ADAMTSL1: variants seen among roughly 807,000 people sequenced by gnomAD.
ADAMTSL1 encodes the protein ADAMTS-like protein 1.
ADAMTSL1 carries 126 observed loss-of-function variants against 201.8 expected under a neutral mutation model. The ratio of observed to expected loss-of-function variants is 0.62; its 90% CI spans 0.54 to 0.72. The LOEUF (loss-of-function observed/expected upper bound fraction) is 0.72, where lower values mean the gene tolerates loss of function less well. Among genes scored for constraint, ADAMTSL1 ranks in the 30% least tolerant of loss-of-function variants. The probability of loss-of-function intolerance (pLI) is 0.00; values close to 1 mark genes in which losing one functional copy is unlikely to be tolerated. For synonymous variants in ADAMTSL1, 1,121 were observed against 903.4 expected (o/e 1.24, Z -4.32); for missense variants, 2,679 against 2,277.8 (o/e 1.18, Z -3.59).
chr9:18,709,258 C>T (rs1420580057), intron 14 of ADAMTSL1, among the ~76,000 whole-genome samples: 3 of 151,996 alleles, frequency 2.0e-5, no homozygotes, highest in Non-Finnish European at 2.9e-5. Flanking sequence ...GTATATAGGA[C>T]GTGTATATTT....
Position 18,524,315 on chromosome 9 carries a change from G to T in ADAMTSL1, c.192-8932G>T, listed in dbSNP as rs1338688604. On this transcript the variant is annotated intron_variant, in intron 2 of 28. Coordinates refer to ENST00000380548, the MANE Select transcript of ADAMTSL1 (RefSeq NM_001040272.6). The stretch of plus-strand genomic sequence containing the variant: ...TGTATCCTGAGACTTTGCTGAAGTT[G>T]CTTAGCAGCTTAAGGAGATTTTGGG... 2.0e-5 allele frequency among the ~76,000 whole-genome samples: 3 copies of T among 152,200 alleles called. No individual in the cohort carries two copies. In the East Asian group the frequency reaches 5.8e-4, roughly 29 times the overall value.
chr9:18,656,953 A>C (rs1828724164), intron 7 of ADAMTSL1, among the ~76,000 whole-genome samples: 1 of 152,198 alleles, frequency 6.6e-6, no homozygotes, highest in Non-Finnish European at 1.5e-5. Context: ...AAGAAATTGC[A>C]ATTTCCATTA....
intron 2 of ADAMTSL1, among the ~76,000 whole-genome samples, chr9:18,256,986 A>T (rs376382431): frequency 3.9e-5 from 6 of 152,342 alleles, no homozygotes; most frequent in African/African-American, 1.4e-4. Context: ...AAGCTTACAC[A>T]TTCCATGAGA....
At chr9:18,807,720 C>T (rs1284605786) in intron 20 of ADAMTSL1, among the ~76,000 whole-genome samples, 6 of 151,610 alleles carry the variant, frequency 4.0e-5, no homozygotes, top group African/African-American at 1.5e-4. Flanking sequence ...CAGTGGAGGG[C>T]TCAGTAATGC....
intron 1 of ADAMTSL1, among the ~76,000 whole-genome samples, chr9:18,047,033 C>T (rs1199798353): frequency 6.6e-6 from 1 of 151,892 alleles, no homozygotes; most frequent in Non-Finnish European, 1.5e-5. Flanking sequence ...AGAAAAATGG[C>T]TTAGAAGATG....
chr9:18,365,078 C>T (rs1212634234), intron 2 of ADAMTSL1, among the ~76,000 whole-genome samples: 1 of 152,132 alleles, frequency 6.6e-6, no homozygotes. Context: ...TATATAGGGT[C>T]TGGCATATGC....
intron 2 of ADAMTSL1, among the ~76,000 whole-genome samples, chr9:18,289,170 T>TATCTATCTATCTATC (rs763390848): frequency 0.017 from 2,117 of 122,082 alleles, 48 homozygotes; most frequent in African/African-American, 0.055. Context: ...TCTATCTATC[T>TATCTATCTATCTATC]ATCTACCTAC....
intron 2 of ADAMTSL1, among the ~76,000 whole-genome samples, chr9:18,340,143 T>C (rs1835411530): frequency 6.6e-6 from 1 of 152,192 alleles, no homozygotes; most frequent in South Asian, 2.1e-4. Context: ...AATCTGGGGC[T>C]TCCCCAACAC....
intron 1 of ADAMTSL1, among the ~76,000 whole-genome samples, chr9:18,151,154 C>T (rs945644685): frequency 6.6e-6 from 1 of 152,046 alleles, no homozygotes; most frequent in Non-Finnish European, 1.5e-5. Flanking sequence ...TATCCATCAT[C>T]TGTGACCTTA....
chr9:18,592,167 C>A (rs1046531106), intron 4 of ADAMTSL1, among the ~76,000 whole-genome samples: 1 of 152,092 alleles, frequency 6.6e-6, no homozygotes, highest in Non-Finnish European at 1.5e-5. Context: ...AAACACCAGA[C>A]AGTGAGCATG....
intron 2 of ADAMTSL1, among the ~76,000 whole-genome samples, chr9:18,530,790 T>C (rs1587475593): frequency 6.6e-6 from 1 of 152,196 alleles, no homozygotes; most frequent in East Asian, 1.9e-4. Context: ...ATAAGTAATA[T>C]CATCCCATTT....
At chr9:18,791,224 C>T (rs766918824) in intron 19 of ADAMTSL1, among the ~76,000 whole-genome samples, 3 of 152,152 alleles carry the variant, frequency 2.0e-5, no homozygotes, top group Admixed American at 6.5e-5. Flanking sequence ...CTTTGCCTGG[C>T]GGTGCTTCCC....
chr9:18,606,550 C>T (rs1230840012), intron 4 of ADAMTSL1, among the ~76,000 whole-genome samples: 1 of 152,090 alleles, frequency 6.6e-6, no homozygotes, highest in Non-Finnish European at 1.5e-5. Flanking sequence ...TTGAAAGTCC[C>T]CTGGTATATT....
chr9:18,801,204 G>A (rs1456159113), intron 20 of ADAMTSL1, among the ~76,000 whole-genome samples: 4 of 152,256 alleles, frequency 2.6e-5, no homozygotes, highest in South Asian at 2.1e-4. Flanking sequence ...CAATTAATTA[G>A]TAGTCACAAT....
chr9:17,978,125 C>T (rs796914953), intron 1 of ADAMTSL1, among the ~76,000 whole-genome samples: 4 of 152,010 alleles, frequency 2.6e-5, no homozygotes, highest in African/African-American at 9.6e-5. Context: ...TACTTCTGTT[C>T]TCTTTTAGTT....
intron 1 of ADAMTSL1, among the ~76,000 whole-genome samples, chr9:17,996,017 C>T (rs1440945645): frequency 6.6e-6 from 1 of 152,004 alleles, no homozygotes; most frequent in Non-Finnish European, 1.5e-5. Flanking sequence ...AAAGCAAGTG[C>T]TTTATAAATG....
chr9:18,108,737 T>A (rs755371638), intron 1 of ADAMTSL1, among the ~76,000 whole-genome samples: 1 of 152,208 alleles, frequency 6.6e-6, no homozygotes, highest in East Asian at 1.9e-4. Context: ...AGTCTTTTAA[T>A]ATCCCTTATC....
chr9:17,995,037 T>C (rs1215100941), intron 1 of ADAMTSL1, among the ~76,000 whole-genome samples: 1 of 152,188 alleles, frequency 6.6e-6, no homozygotes, highest in East Asian at 1.9e-4. Flanking sequence ...TTTCTCACAG[T>C]CAGAACGTGT....
chr9:17,966,709 A>G (rs1215716489), intron 1 of ADAMTSL1, among the ~76,000 whole-genome samples: 1 of 152,166 alleles, frequency 6.6e-6, no homozygotes, highest in Admixed American at 6.5e-5. Flanking sequence ...CTTAATATTT[A>G]TATCTCTTCA....
Sources: allele counts gnomAD v4.1 joint callset (sites outside exome capture counted in the v4.1 genomes callset), GRCh38; gene constraint gnomAD v4.1.1; transcripts MANE v1.5; gene names NCBI Gene and HGNC (gene_info 2026-07-23, HGNC 2026-07-21).